Variants in ITPR2 observed in about 807,000 individuals in gnomAD.
ITPR2 encodes the protein inositol 1,4,5-trisphosphate receptor type 2.
ITPR2 carries 207 observed loss-of-function variants against 317.1 expected under a neutral mutation model. That is an observed-to-expected ratio of 0.65 (90% confidence interval 0.58 to 0.73). The LOEUF is 0.73. Among genes scored for constraint, ITPR2 ranks in the 30% least tolerant of loss-of-function variants. The probability of loss-of-function intolerance (pLI) is 0.00; values close to 1 mark genes in which losing one functional copy is unlikely to be tolerated. For missense variants in ITPR2, 2,613 were observed against 3,284.0 expected (o/e 0.80, Z 4.99); for synonymous variants, 1,156 against 1,149.1 (o/e 1.01, Z -0.12).
chr12:26,792,726 T>C (rs752687180), intron 1 of ITPR2, among the ~76,000 whole-genome samples: 1 of 152,186 alleles, frequency 6.6e-6, no homozygotes, highest in Admixed American at 6.5e-5. Flanking sequence ...AGTCAGTGAA[T>C]AAATGATGTT....
chr12:26,401,251 G>A (rs1003078830), intron 52 of ITPR2, among the ~76,000 whole-genome samples: 7 of 151,808 alleles, frequency 4.6e-5, no homozygotes, highest in Non-Finnish European at 8.8e-5. Context: ...ATACATTTAG[G>A]GTATGTAAAA....
At chr12:26,515,988 G>T (rs1208877241) in intron 37 of ITPR2, among the ~76,000 whole-genome samples, 2 of 151,208 alleles carry the variant, frequency 1.3e-5, no homozygotes, top group Admixed American at 1.3e-4. Context: ...TGGTGGTGTG[G>T]TGTCATGAGC....
chr12:26,811,038 A>C (rs1174223519), intron 1 of ITPR2, among the ~76,000 whole-genome samples: 1 of 5,234 alleles, frequency 1.9e-4, no homozygotes, highest in African/African-American at 4.5e-4. Flanking sequence ...TTAAGTTACA[A>C]AAAAAAAAAA....
intron 26 of ITPR2, among the ~76,000 whole-genome samples, chr12:26,611,699 G>T (rs1031275943): frequency 1.4e-4 from 22 of 152,238 alleles, no homozygotes; most frequent in African/African-American, 4.6e-4. Context: ...AACAACATGA[G>T]GAACTTTCCT....
chr12:26,579,244 G>A (rs1478969564), intron 33 of ITPR2, among the ~76,000 whole-genome samples: 1 of 152,028 alleles, frequency 6.6e-6, no homozygotes, highest in African/African-American at 2.4e-5. Flanking sequence ...AATTTCCTAT[G>A]GTTCTATCTA....
intron 21 of ITPR2, among the ~76,000 whole-genome samples, chr12:26,643,104 C>T (rs904103398): frequency 1.3e-5 from 2 of 152,200 alleles, no homozygotes; most frequent in East Asian, 3.9e-4. Context: ...TTGCCCCTTT[C>T]CCCAAGTCAG....
intron 45 of ITPR2, among the ~76,000 whole-genome samples, chr12:26,472,308 C>G (rs991141187): frequency 2.6e-5 from 4 of 152,160 alleles, no homozygotes; most frequent in African/African-American, 9.7e-5. Flanking sequence ...TATTTAATCT[C>G]TTACAGTGTA....
chr12:26,495,289 G>A (rs182348891), intron 37 of ITPR2, 29 bp from the exon 38 acceptor site: 3 of 1,245,024 alleles, frequency 2.4e-6, no homozygotes, highest in African/African-American at 1.5e-5. Context: ...AAGAGTTACT[G>A]TTCCCTTTTC....
intron 37 of ITPR2, among the ~76,000 whole-genome samples, chr12:26,503,126 C>T (rs545217383): frequency 2.3e-4 from 35 of 150,656 alleles, no homozygotes; most frequent in Admixed American, 1.1e-3. Context: ...GGCAGTGAGA[C>T]GAGTGCATGG....
intron 2 of ITPR2, among the ~76,000 whole-genome samples, chr12:26,748,607 A>G (rs1362947871): frequency 1.3e-5 from 2 of 149,072 alleles, no homozygotes; most frequent in Non-Finnish European, 3.0e-5. Flanking sequence ...TCTGCAGAAC[A>G]TATCCACTGG....
chr12:26,424,597 T>TTG (rs1555123899), intron 49 of ITPR2, among the ~76,000 whole-genome samples: 1 of 138,392 alleles, frequency 7.2e-6, no homozygotes, highest in African/African-American at 2.7e-5. Context: ...TTTTTTTTTT[T>TTG]TTTTTTTTTT....
chr12:26,523,150 T>A (rs73087209), intron 37 of ITPR2, among the ~76,000 whole-genome samples: 1 of 152,188 alleles, frequency 6.6e-6, no homozygotes, highest in Non-Finnish European at 1.5e-5. Flanking sequence ...AGTATGATAA[T>A]AATCCTCAAC....
intron 44 of ITPR2, among the ~76,000 whole-genome samples, chr12:26,476,153 T>C (rs1308680336): frequency 1.3e-5 from 2 of 152,242 alleles, no homozygotes; most frequent in Non-Finnish European, 2.9e-5. Flanking sequence ...TTTGTCTCTC[T>C]TTTTGTCTGC....
intron 21 of ITPR2, among the ~76,000 whole-genome samples, chr12:26,645,903 T>A (rs368763158): frequency 8.9e-4 from 135 of 151,936 alleles, no homozygotes; most frequent in South Asian, 4.2e-3. Context: ...CATTTCCACA[T>A]ACACACTTTT....
At chr12:26,643,664 T>C (rs1947043267) in intron 21 of ITPR2, among the ~76,000 whole-genome samples, 1 of 152,230 alleles carries the variant, frequency 6.6e-6, no homozygotes, top group African/African-American at 2.4e-5. Context: ...GCCATCATTG[T>C]ATAAAGTAGC....
At chr12:26,721,226 AC>A (rs766678698) in intron 5 of ITPR2, 11 of 463,230 alleles carry the variant, frequency 2.4e-5, no homozygotes, top group Non-Finnish European at 3.9e-5. Flanking sequence ...AAGAAATCCA[AC>A]CAACACAAGA....
chr12:26,464,916 T>C (rs564328231), intron 45 of ITPR2, among the ~76,000 whole-genome samples: 1 of 152,190 alleles, frequency 6.6e-6, no homozygotes, highest in South Asian at 2.1e-4. Context: ...GGACCAAGAG[T>C]TCTATTATGG....
chr12:26,350,242 A>T (rs1010712869), intron 55 of ITPR2, among the ~76,000 whole-genome samples: 4 of 152,198 alleles, frequency 2.6e-5, no homozygotes, highest in Non-Finnish European at 4.4e-5. Flanking sequence ...CAACATTTCA[A>T]AAAATGCTAA....
chr12:26,743,110 A>T (rs1949262940), intron 2 of ITPR2, among the ~76,000 whole-genome samples: 1 of 152,212 alleles, frequency 6.6e-6, no homozygotes, highest in Non-Finnish European at 1.5e-5. Flanking sequence ...AAACTACTGA[A>T]TTGTACACTT....
Sources: allele counts gnomAD v4.1 joint callset (sites outside exome capture counted in the v4.1 genomes callset), GRCh38; gene constraint gnomAD v4.1.1; transcripts MANE v1.5; gene names NCBI Gene and HGNC (gene_info 2026-07-23, HGNC 2026-07-21).